The following MID2 variants were observed in gnomAD, a reference collection of about 807,000 sequenced individuals.
MID2 encodes probable E3 ubiquitin-protein ligase MID2.
In MID2, 13 loss-of-function variants were observed where a neutral mutation model predicts 46.1. That is an observed-to-expected ratio of 0.28 (90% CI 0.18 to 0.45). The LOEUF is 0.45. Among genes scored for constraint, MID2 ranks in the 20% least tolerant of loss-of-function variants. The probability of loss-of-function intolerance (pLI) is 1.00; values close to 1 mark genes in which losing one functional copy is unlikely to be tolerated. For missense variants in MID2, 431 were observed against 575.4 expected (o/e 0.75, Z 2.57); for synonymous variants, 199 against 212.3 (o/e 0.94, Z 0.55).
chrX:107,842,721 T>C (rs1194627990), intron 2 of MID2, among the ~76,000 whole-genome samples: 5 of 112,354 alleles, frequency 4.5e-5, no homozygotes, highest in South Asian at 7.3e-4. Flanking sequence ...ATTTTTTTAT[T>C]TCACTCAAGT....
At position 107,841,077 on chromosome X, in the gene MID2, G is replaced by A; in HGVS notation, c.412G>A (p.Ala138Thr). Residue 138 changes from alanine to threonine, a missense_variant, in exon 2 of 10, where the codon GCT becomes ACT. Physicochemically the swap from Ala to Thr is moderately conservative, Grantham distance 58. Transcript: ENST00000262843. Reference sequence around the variant, plus strand: ...CACTGCCATGTCTAGCGAGCGAATTGCTTGCCAATTCTGTGAGCAGGACCC... The same window carrying A: ...CACTGCCATGTCTAGCGAGCGAATTACTTGCCAATTCTGTGAGCAGGACCC... Reference protein sequence around the residue: ...PTTAMSSERIACQFCEQDPPR... With the variant: ...PTTAMSSERITCQFCEQDPPR... 8.3e-7 allele frequency: 1 copy of A among 1,211,479 alleles called. No individual in the cohort carries two copies. Among genetic ancestry groups the A allele is most frequent in the South Asian group, 1.8e-5 (1 of 56,922 alleles).
intron 1 of MID2, among the ~76,000 whole-genome samples, chrX:107,837,030 A>G (rs1931223428): frequency 9.0e-6 from 1 of 111,575 alleles, no homozygotes; most frequent in Non-Finnish European, 1.9e-5. Context: ...TATATGACAT[A>G]CAAACACATT....
chrX:107,897,111 A>G, intron 3 of MID2, among the ~76,000 whole-genome samples: 1 of 111,923 alleles, frequency 8.9e-6, no homozygotes, highest in Non-Finnish European at 1.9e-5. Flanking sequence ...TCCCACAAGC[A>G]GATAGAAAAC....
chrX:107,827,047 C>T (rs1169164569), intron 1 of MID2, among the ~76,000 whole-genome samples: 4 of 112,906 alleles, frequency 3.5e-5, no homozygotes, highest in Non-Finnish European at 5.6e-5. Context: ...CATATGTCCA[C>T]AGGACAGACT....
intron 2 of MID2, among the ~76,000 whole-genome samples, chrX:107,848,922 T>C (rs943013763): frequency 8.9e-6 from 1 of 112,209 alleles, no homozygotes; most frequent in East Asian, 2.8e-4. Flanking sequence ...TGTCGGTGCA[T>C]AGACAGGATG....
intron 3 of MID2, among the ~76,000 whole-genome samples, chrX:107,867,080 T>C (rs751872276): frequency 1.8e-5 from 2 of 112,551 alleles, no homozygotes; most frequent in South Asian, 7.4e-4. Context: ...TATTCTAAGG[T>C]CAAAGGGAAG....
At chrX:107,884,013 C>A (rs372533516) in intron 3 of MID2, among the ~76,000 whole-genome samples, 71 of 112,500 alleles carry the variant, frequency 6.3e-4, no homozygotes, top group African/African-American at 2.1e-3. Flanking sequence ...GAAGAATGAT[C>A]TATCCACATT....
At chrX:107,890,590 G>A (rs945157862) in intron 3 of MID2, among the ~76,000 whole-genome samples, 3 of 112,363 alleles carry the variant, frequency 2.7e-5, no homozygotes, top group Non-Finnish European at 5.6e-5. Context: ...GAGGCAGTCT[G>A]TCTGTTCTCA....
At chrX:107,917,375 A>G in intron 6 of MID2, 131 bp from the exon 7 acceptor site, 2 of 568,721 alleles carry the variant, frequency 3.5e-6, no homozygotes, top group East Asian at 3.3e-5. Context: ...TGCATGGTTC[A>G]TGCAATCTAA....
intron 3 of MID2, among the ~76,000 whole-genome samples, chrX:107,876,811 T>C (rs1256220105): frequency 8.9e-6 from 1 of 112,163 alleles, no homozygotes; most frequent in Non-Finnish European, 1.9e-5. Flanking sequence ...CAGGGTCATC[T>C]GAAAACTTGC....
intron 3 of MID2, among the ~76,000 whole-genome samples, chrX:107,893,130 A>G (rs1227592701): frequency 8.9e-6 from 1 of 112,853 alleles, no homozygotes; most frequent in African/African-American, 3.2e-5. Flanking sequence ...ATGTCTGTCT[A>G]TAATCTTTCA....
intron 3 of MID2, among the ~76,000 whole-genome samples, chrX:107,876,655 T>C (rs766781350): frequency 3.9e-4 from 43 of 110,448 alleles, no homozygotes; most frequent in East Asian, 2.8e-3. Flanking sequence ...ACAATATATG[T>C]GATACTAAGC....
intron 3 of MID2, among the ~76,000 whole-genome samples, chrX:107,898,812 A>T (rs182740540): frequency 1.4e-3 from 161 of 112,433 alleles, no homozygotes; most frequent in Non-Finnish European, 2.1e-3. Context: ...CTATTTGGGC[A>T]GAAGATTTCA....
intron 3 of MID2, among the ~76,000 whole-genome samples, chrX:107,860,995 T>C (rs1931839843): frequency 8.9e-6 from 1 of 112,043 alleles, no homozygotes; most frequent in African/African-American, 3.2e-5. Context: ...AAGACCAAGG[T>C]ACACGCCACT....
rs143128992 is a variant in MID2 at position 107,902,701 on chromosome X, C to T, written c.817-1257C>T. ...AGGGTCCAGTGACAGGTATTTTGCTCGGGTTGGAGAATATGGAGCAACCCT... is the reference window on the plus strand; with the variant it reads ...AGGGTCCAGTGACAGGTATTTTGCTTGGGTTGGAGAATATGGAGCAACCCT... On this transcript the variant is annotated intron_variant, in intron 3 of 9. Transcript: ENST00000262843. Among the ~76,000 whole-genome samples, 12 of 111,219 alleles carry T rather than the reference C, an allele frequency of 1.1e-4. No individual in the cohort carries two copies. In the East Asian group the frequency reaches 3.1e-3, roughly 29 times the overall value.
rs746848091 is a variant in MID2 at position 107,840,835 on chromosome X, T to C, written c.170T>C (p.Ile57Thr). The C allele has an allele frequency of 1.7e-6, 2 of 1,211,863 alleles. No homozygotes were observed. The highest frequency in any genetic ancestry group is 1.8e-5 in the South Asian group (1 of 56,988). Residue 57 changes from isoleucine to threonine, a missense_variant, in exon 2 of 10, where the codon ATT (isoleucine) becomes ACT (threonine). Ile to Thr is a moderately conservative substitution (Grantham distance 89, BLOSUM62 -1). Coordinates refer to ENST00000262843, the MANE Select transcript of MID2 (RefSeq NM_012216.4). ...HSLCFSCAHR[I>T]LVSSCSSGES... is the part of the protein sequence containing the mutation. Reference sequence around the variant, plus strand: ...CTCTGCTTCAGCTGTGCCCATCGCATTTTGGTATCAAGCTGCAGCTCTGGT... The same window carrying C: ...CTCTGCTTCAGCTGTGCCCATCGCACTTTGGTATCAAGCTGCAGCTCTGGT...
chrX:107,907,367 C>T (rs981761858), intron 5 of MID2, among the ~76,000 whole-genome samples: 3 of 112,201 alleles, frequency 2.7e-5, no homozygotes, highest in African/African-American at 9.7e-5. Flanking sequence ...TGCTTATGCT[C>T]AGTAAATGCC....
At chrX:107,860,521 A>G (rs2147837236) in intron 3 of MID2, among the ~76,000 whole-genome samples, 1 of 112,071 alleles carries the variant, frequency 8.9e-6, no homozygotes, top group South Asian at 3.8e-4. Flanking sequence ...TAGATTGAAA[A>G]GAGGGCCTGT....
chrX:107,902,805 C>G (rs372312819), intron 3 of MID2, among the ~76,000 whole-genome samples: 4 of 111,259 alleles, frequency 3.6e-5, no homozygotes, highest in African/African-American at 1.3e-4. Flanking sequence ...TTGATGCTCT[C>G]AAGTAACCCA....
Sources: gnomAD v4.1 joint callset for allele counts (sites outside exome capture counted in the v4.1 genomes callset) on GRCh38, gnomAD v4.1.1 for gene constraint, MANE v1.5 for transcripts, NCBI Gene and HGNC (gene_info 2026-07-23, HGNC 2026-07-21) for gene names.